SND1: variants seen among roughly 807,000 people sequenced by gnomAD.
SND1 encodes staphylococcal nuclease and tudor domain containing 1.
In SND1, 38 loss-of-function variants were observed where a neutral mutation model predicts 121.7. That is an observed-to-expected ratio of 0.31 (90% confidence interval 0.24 to 0.41). The LOEUF (loss-of-function observed/expected upper bound fraction) is 0.41, where lower values mean the gene tolerates loss of function less well. Ranked by LOEUF, SND1 falls within the 10% of genes least tolerant of loss-of-function variation. The probability of loss-of-function intolerance (pLI) is 1.00; values close to 1 mark genes in which losing one functional copy is unlikely to be tolerated. For missense variants in SND1, 868 were observed against 1,184.6 expected (o/e 0.73, Z 3.92); for synonymous variants, 401 against 447.4 (o/e 0.90, Z 1.31).
At chr7:127,827,792 G>A (rs759644131) in intron 11 of SND1, among the ~76,000 whole-genome samples, 36 of 151,782 alleles carry the variant, frequency 2.4e-4, no homozygotes, top group Non-Finnish European at 4.7e-4. Context: ...TTCTCAACAT[G>A]CCTATGCATC....
rs368439709 is a variant in SND1, at chr7:127,844,315, T to C, written c.1243-9T>C. The C allele has an allele frequency of 4.3e-6, 7 of 1,611,842 alleles. No individual in the cohort carries two copies. The highest frequency in any genetic ancestry group is 5.9e-6 in the Non-Finnish European group (7 of 1,178,618). ...CTCAACCCTAATTCCCTTGATTCTTTGTTTCCAGGTCAATGTGACGGTGGA... is the reference window on the plus strand; with the variant it reads ...CTCAACCCTAATTCCCTTGATTCTTCGTTTCCAGGTCAATGTGACGGTGGA... On this transcript the variant is annotated splice_polypyrimidine_tract_variant and intron_variant, in intron 11 of 23. Coordinates refer to ENST00000354725, the MANE Select transcript of SND1 (RefSeq NM_014390.4).
chr7:127,848,175 G>T (rs530979947), intron 12 of SND1, among the ~76,000 whole-genome samples: 2 of 152,338 alleles, frequency 1.3e-5, no homozygotes, highest in African/African-American at 2.4e-5. Flanking sequence ...TGCTGCATCT[G>T]CAAGACAACT....
rs529431396 is a variant in SND1, at chr7:127,752,348, C to T, written c.1152+30948C>T. Among the ~76,000 whole-genome samples the T allele has an allele frequency of 1.3e-4, 20 of 152,262 alleles. 1 individual carries two copies. The South Asian group carries it at 2.5e-3, about 19-fold the overall frequency. On this transcript the variant is annotated intron_variant, in intron 10 of 23. Coordinates refer to ENST00000354725, the MANE Select transcript of SND1 (RefSeq NM_014390.4). ...CAGCCGTCGTAATGCTTATGTTCAT[C>T]AGCAGTTCAACAAAACACATTTATT...
chr7:127,709,340 T>G (rs1796259720), intron 9 of SND1, among the ~76,000 whole-genome samples: 2 of 152,146 alleles, frequency 1.3e-5, no homozygotes, highest in Non-Finnish European at 2.9e-5. Flanking sequence ...GGCCTTCAAT[T>G]TTTCGCCATC....
At chr7:127,860,404 T>TA (rs1251527420) in intron 12 of SND1, among the ~76,000 whole-genome samples, 3 of 152,338 alleles carry the variant, frequency 2.0e-5, no homozygotes, top group African/African-American at 7.2e-5. Context: ...AGTCTGGATT[T>TA]ACAAAAGTCT....
In SND1 at chr7:127,793,766, A is replaced by G. The variant is rs550453499; in HGVS notation, c.1153-13718A>G. Among the ~76,000 whole-genome samples the G allele has an allele frequency of 2.6e-5, 4 of 152,274 alleles. No homozygotes were observed. In the South Asian group the frequency reaches 6.2e-4, roughly 24 times the overall value. On this transcript the variant is annotated intron_variant, in intron 10 of 23. Coordinates refer to ENST00000354725, the MANE Select transcript of SND1 (RefSeq NM_014390.4). The stretch of plus-strand genomic sequence containing the variant: ...TGAAACAGCTGTGAACAGCTACCGC[A>G]GTTATAGAGCGAGAAGTTCCCCATT...
rs537002310 is a variant in SND1, at chr7:127,910,167, C to T, written c.1527+5348C>T. On this transcript the variant is annotated intron_variant, in intron 14 of 23. Transcript: ENST00000354725. ...AAGAGAGTTTTAAAAAGCCCAGGCA[C>T]GGTGGCTCACGCCTGTAATCCCAGC... Among the ~76,000 whole-genome samples, 6 of 152,248 alleles carry T rather than the reference C, an allele frequency of 3.9e-5. No homozygotes were observed. The South Asian group carries it at 6.2e-4, about 16-fold the overall frequency.
chr7:127,816,175 C>A (rs1003669239), intron 11 of SND1, among the ~76,000 whole-genome samples: 2 of 152,202 alleles, frequency 1.3e-5, no homozygotes, highest in African/African-American at 4.8e-5. Flanking sequence ...ATCCCAGTCA[C>A]AGGGCCTCCA....
At chr7:127,829,613 G>A (rs1798703909) in intron 11 of SND1, among the ~76,000 whole-genome samples, 1 of 152,046 alleles carries the variant, frequency 6.6e-6, no homozygotes, top group Non-Finnish European at 1.5e-5. Context: ...TATTAAAGTG[G>A]TTCTCAGCAT....
intron 11 of SND1, among the ~76,000 whole-genome samples, chr7:127,841,228 T>C (rs970462580): frequency 6.6e-6 from 1 of 152,164 alleles, no homozygotes; most frequent in Non-Finnish European, 1.5e-5. Flanking sequence ...GAAGGAGATT[T>C]GGCATTGGGA....
chr7:127,939,560 A>C (rs887055720), intron 15 of SND1, among the ~76,000 whole-genome samples: 2 of 152,152 alleles, frequency 1.3e-5, no homozygotes, highest in Non-Finnish European at 2.9e-5. Context: ...TGGCCTGCTT[A>C]TCTTGGTGTG....
intron 16 of SND1, among the ~76,000 whole-genome samples, chr7:128,025,127 A>G (rs1263427001): frequency 6.6e-6 from 1 of 152,250 alleles, no homozygotes; most frequent in African/African-American, 2.4e-5. Flanking sequence ...ACCCCTTAGC[A>G]CATGTGGAGC....
At chr7:127,845,962 T>C (rs1398425478) in intron 12 of SND1, among the ~76,000 whole-genome samples, 1 of 152,156 alleles carries the variant, frequency 6.6e-6, no homozygotes, top group Admixed American at 6.5e-5. Flanking sequence ...GGCCATGCTT[T>C]GTGCCTTAAA....
chr7:127,751,809 G>T (rs957827347), intron 10 of SND1, among the ~76,000 whole-genome samples: 13 of 152,228 alleles, frequency 8.5e-5, no homozygotes, highest in African/African-American at 3.1e-4. Flanking sequence ...GCACCCTCTG[G>T]ACACTGGCCT....
chr7:127,988,080 G>T (rs1014931601), intron 15 of SND1, among the ~76,000 whole-genome samples: 6 of 152,282 alleles, frequency 3.9e-5, no homozygotes, highest in African/African-American at 1.4e-4. Context: ...TACTTCCATT[G>T]GTTGTCTACA....
At chr7:127,739,099 T>C (rs1162784581) in intron 10 of SND1, among the ~76,000 whole-genome samples, 3 of 152,188 alleles carry the variant, frequency 2.0e-5, no homozygotes, top group Admixed American at 6.5e-5. Flanking sequence ...TGTGCTGAAA[T>C]GTGTCTGCAG....
intron 10 of SND1, among the ~76,000 whole-genome samples, chr7:127,805,443 C>G (rs1435762196): frequency 6.6e-6 from 1 of 152,032 alleles, no homozygotes; most frequent in African/African-American, 2.4e-5. Flanking sequence ...GCCCTCTGCC[C>G]CCACTTTTTT....
At chr7:128,020,469 A>G (rs974505431) in intron 16 of SND1, among the ~76,000 whole-genome samples, 1 of 152,222 alleles carries the variant, frequency 6.6e-6, no homozygotes, top group Non-Finnish European at 1.5e-5. Context: ...GCTATGTGAC[A>G]CCTGGGCAAG....
chr7:127,673,756 TA>T (rs1357952866), intron 1 of SND1, among the ~76,000 whole-genome samples: 1 of 152,258 alleles, frequency 6.6e-6, no homozygotes, highest in Non-Finnish European at 1.5e-5. Context: ...CAGTGGATTA[TA>T]ATCTATTACT....
Sources: gnomAD v4.1 joint callset for allele counts (sites outside exome capture counted in the v4.1 genomes callset) on GRCh38, gnomAD v4.1.1 for gene constraint, MANE v1.5 for transcripts, NCBI Gene and HGNC (gene_info 2026-07-23, HGNC 2026-07-21) for gene names.